The following PDE4DIP variants were observed in gnomAD, a reference collection of about 807,000 sequenced individuals.
PDE4DIP encodes phosphodiesterase 4D interacting protein, also known as myomegalin.
PDE4DIP carries 59 observed loss-of-function variants against 221.4 expected under a neutral mutation model. The ratio of observed to expected loss-of-function variants is 0.27; its 90% CI spans 0.22 to 0.33. The LOEUF is 0.33. Ranked by LOEUF, PDE4DIP falls within the 10% of genes least tolerant of loss-of-function variation. The pLI is 1.00. For missense variants in PDE4DIP, 1,036 were observed against 2,154.2 expected (o/e 0.48, Z 10.28); for synonymous variants, 404 against 815.9 (o/e 0.50, Z 8.60).
chr1:149,028,362 C>G (rs1260151390), intron 40 of PDE4DIP, among the ~76,000 whole-genome samples, 198 bp from the exon 44 acceptor site: 1 of 149,236 alleles, frequency 6.7e-6, no homozygotes, highest in African/African-American at 2.5e-5. Context: ...TTTTGAAAGC[C>G]TTGTGGGTTC....
In PDE4DIP at chr1:148,961,379, C is replaced by A. The variant is rs587691616; in HGVS notation, c.769-458C>A. On this transcript the variant is annotated intron_variant, in intron 6 of 43. Coordinates refer to ENST00000369354, the Ensembl canonical transcript of PDE4DIP. ...AGGAGGTCTGTGTTTTTTATTTTAG[C>A]TTAACTTGTTACTACTTTCTAGCCC... is the stretch of plus-strand genomic sequence containing the variant. 2.9e-3 allele frequency among the ~76,000 whole-genome samples: 441 copies of A among 152,234 alleles called. 1 individual carries two copies. Among genetic ancestry groups the A allele is most frequent in the Non-Finnish European group, 4.8e-3 (329 of 68,012 alleles).
intron 22 of PDE4DIP, among the ~76,000 whole-genome samples, chr1:148,997,009 T>A (rs1171833479): frequency 6.6e-6 from 1 of 152,266 alleles, no homozygotes; most frequent in Non-Finnish European, 1.5e-5. Context: ...ACAACATGAC[T>A]CAGCAACAGC....
At chr1:148,934,014 G>C (rs1573735059) in intron 4 of PDE4DIP, among the ~76,000 whole-genome samples, 1 of 147,746 alleles carries the variant, frequency 6.8e-6, no homozygotes, top group Non-Finnish European at 1.5e-5. Flanking sequence ...TGGTTTCAGG[G>C]ATTGCTGACA....
chr1:148,953,078 A>C (rs1190763661), intron 5 of PDE4DIP: 1 of 1,614,088 alleles, frequency 6.2e-7, no homozygotes, highest in Non-Finnish European at 8.5e-7. Flanking sequence ...GTATCGGAAG[A>C]ATAACGATGA....
At chr1:148,964,038 G>A (rs1230773137) in intron 9 of PDE4DIP, among the ~76,000 whole-genome samples, 1 of 151,262 alleles carries the variant, frequency 6.6e-6, no homozygotes, top group Non-Finnish European at 1.5e-5. Flanking sequence ...GATTACAGGC[G>A]TGAGCCACTG....
intron 5 of PDE4DIP, 52 bp from the exon 9 acceptor site, chr1:148,960,602 A>G (rs12140706): frequency 8.2e-6 from 2 of 245,120 alleles, no homozygotes; most frequent in Non-Finnish European, 1.4e-5. Context: ...CAAAAAAAAA[A>G]TTTTGTTGGC....
At chr1:148,975,487 A>G (rs2059993229) in intron 17 of PDE4DIP, among the ~76,000 whole-genome samples, 1 of 151,386 alleles carries the variant, frequency 6.6e-6, no homozygotes, top group Non-Finnish European at 1.5e-5. Flanking sequence ...AATAAATGCC[A>G]GAGCTATGAT....
At chr1:148,941,552 G>T (rs1486536870) in intron 5 of PDE4DIP, among the ~76,000 whole-genome samples, 1 of 117,356 alleles carries the variant, frequency 8.5e-6, no homozygotes, top group Non-Finnish European at 1.8e-5. Flanking sequence ...ATTGCTTGAA[G>T]AGCATCTGAG....
At chr1:148,893,284 C>A (rs1302023409) in intron 1 of PDE4DIP, among the ~76,000 whole-genome samples, 1 of 123,822 alleles carries the variant, frequency 8.1e-6, no homozygotes, top group Non-Finnish European at 1.6e-5. Context: ...ACGAGGGATT[C>A]GGAAAACACT....
chr1:149,022,855 G>C (rs201706777), intron 37 of PDE4DIP, among the ~76,000 whole-genome samples: 5 of 151,840 alleles, frequency 3.3e-5, no homozygotes, highest in African/African-American at 9.7e-5. Flanking sequence ...TCTGGGAAAC[G>C]TATTGGATGG....
chr1:148,977,551 T>G (rs1364763442), intron 17 of PDE4DIP, among the ~76,000 whole-genome samples: 1 of 146,528 alleles, frequency 6.8e-6, no homozygotes, highest in Non-Finnish European at 1.5e-5. Context: ...ATCCCTTAAT[T>G]CATTAAGGGT....
chr1:148,938,922 C>A (rs2049907611), intron 5 of PDE4DIP, among the ~76,000 whole-genome samples: 4 of 137,898 alleles, frequency 2.9e-5, no homozygotes, highest in Admixed American at 2.3e-4. Flanking sequence ...GCCACCACAC[C>A]CAGCAATATT....
intron 31 of PDE4DIP, among the ~76,000 whole-genome samples, 160 bp downstream of exon 34, chr1:149,010,755 A>G: frequency 6.6e-6 from 1 of 151,910 alleles, no homozygotes; most frequent in East Asian, 1.9e-4. Flanking sequence ...TGTCTGATTT[A>G]AGAAAATATT....
exon 31 of PDE4DIP, chr1:149,010,498 C>T (rs1460221916): frequency 1.2e-6 from 2 of 1,609,416 alleles, no homozygotes; most frequent in Non-Finnish European, 1.7e-6. Context: ...CATCATCAAC[C>T]AGTGCATCTC....
intron 37 of PDE4DIP, 31 bp from the exon 41 acceptor site, chr1:149,024,414 G>A (rs781843215): frequency 6.3e-7 from 1 of 1,576,050 alleles, no homozygotes; most frequent in South Asian, 1.2e-5. Context: ...GAAATACTTG[G>A]GTCAATGTTA....
chr1:148,946,659 G>T, intron 5 of PDE4DIP, among the ~76,000 whole-genome samples: 2 of 131,182 alleles, frequency 1.5e-5, no homozygotes, highest in African/African-American at 2.9e-5. Flanking sequence ...AAATTCTTTT[G>T]CCTTTGTCAA....
chr1:148,916,143 AT>A (rs2044015216), intron 1 of PDE4DIP, among the ~76,000 whole-genome samples: 1 of 151,804 alleles, frequency 6.6e-6, no homozygotes, highest in Admixed American at 6.6e-5. Flanking sequence ...TGATGGCCAC[AT>A]TAAAAAAAGT....
At position 149,009,652 on chromosome 1, in the gene PDE4DIP, C is replaced by A. The variant is rs782509684; in HGVS notation, c.4788C>A (p.Ser1596Arg). The change falls in exon 30 of 44, where the codon AGC (serine) becomes AGA (arginine). Residue 1596 changes from serine (S) to arginine (R), a missense_variant. Physicochemically the swap from Ser to Arg is moderately radical, Grantham distance 110 (BLOSUM62 -1). Coordinates refer to ENST00000369354, the Ensembl canonical transcript of PDE4DIP. ...ATGCTCGGTCCCTCACACCCTCCAG[C>A]AGCCATGCCTTGTCTGACTCCCACC... The A allele has an allele frequency of 1.9e-6, 3 of 1,614,198 alleles. No individual in the cohort carries two copies. In the East Asian group the frequency reaches 6.7e-5, roughly 36 times the overall value.
intron 2 of PDE4DIP, among the ~76,000 whole-genome samples, chr1:148,863,520 AT>A (rs374706868): frequency 1.4e-4 from 11 of 77,698 alleles, no homozygotes; most frequent in South Asian, 4.7e-4. Flanking sequence ...AATTTTTAAT[AT>A]TTTTTTTTAG....
Sources: gnomAD v4.1 joint callset for allele counts (sites outside exome capture counted in the v4.1 genomes callset) on GRCh38, gnomAD v4.1.1 for gene constraint, MANE v1.5 for transcripts, NCBI Gene and HGNC (gene_info 2026-07-23, HGNC 2026-07-21) for gene names.